Variants in UNC5B observed in about 807,000 individuals in gnomAD.
The protein encoded by UNC5B is netrin receptor UNC5B.
UNC5B carries 56 observed loss-of-function variants against 103.7 expected under a neutral mutation model. The ratio of observed to expected loss-of-function variants is 0.54; its 90% CI spans 0.44 to 0.67. The LOEUF (loss-of-function observed/expected upper bound fraction) is 0.67. Ranked by LOEUF, UNC5B falls within the 30% of genes least tolerant of loss-of-function variation. UNC5B has a pLI of 0.00. For missense variants in UNC5B, 1,194 were observed against 1,284.5 expected, an observed-to-expected ratio of 0.93 and a Z score of 1.08; for synonymous variants, 577 against 542.0, an observed-to-expected ratio of 1.06 and a Z score of -0.90.
chr10:71,220,001 G>A (rs1564703834), intron 1 of UNC5B, among the ~76,000 whole-genome samples: 3 of 152,290 alleles, frequency 2.0e-5, no homozygotes, highest in South Asian at 4.2e-4. Flanking sequence ...TTACTCTTGG[G>A]AAATTTGCCC....
At chr10:71,274,907 T>A (rs1260489222) in intron 1 of UNC5B, among the ~76,000 whole-genome samples, 2 of 152,180 alleles carry the variant, frequency 1.3e-5, no homozygotes, top group Non-Finnish European at 2.9e-5. Flanking sequence ...AACAGGACAT[T>A]TTCACACATG....
chr10:71,246,689 G>C (rs1844045696), intron 1 of UNC5B, among the ~76,000 whole-genome samples: 1 of 152,082 alleles, frequency 6.6e-6, no homozygotes, highest in Non-Finnish European at 1.5e-5. Flanking sequence ...AATCACCCCA[G>C]CGCTCCACAT....
At chr10:71,266,492 G>A (rs1489191036) in intron 1 of UNC5B, among the ~76,000 whole-genome samples, 1 of 152,208 alleles carries the variant, frequency 6.6e-6, no homozygotes, top group East Asian at 1.9e-4. Context: ...TACATCAGCA[G>A]GTGCAAACAA....
chr10:71,252,856 G>A (rs1019318283), intron 1 of UNC5B, among the ~76,000 whole-genome samples: 3 of 152,128 alleles, frequency 2.0e-5, no homozygotes, highest in African/African-American at 7.2e-5. Flanking sequence ...ACCTGACTCA[G>A]CCTGGCAGTC....
chr10:71,264,602 ATAT>A (rs1844483675), intron 1 of UNC5B, among the ~76,000 whole-genome samples: 1 of 152,242 alleles, frequency 6.6e-6, no homozygotes, highest in African/African-American at 2.4e-5. Flanking sequence ...GGAAGCTGAC[ATAT>A]GTTAAGCACC....
intron 1 of UNC5B, among the ~76,000 whole-genome samples, chr10:71,227,577 A>C (rs978023806): frequency 1.3e-5 from 2 of 148,836 alleles, no homozygotes; most frequent in Non-Finnish European, 3.0e-5. Flanking sequence ...AACAAAATAA[A>C]AATAAAAATA....
At chr10:71,219,653 A>C (rs540697957) in intron 1 of UNC5B, among the ~76,000 whole-genome samples, 5 of 152,222 alleles carry the variant, frequency 3.3e-5, no homozygotes, top group African/African-American at 1.2e-4. Flanking sequence ...CCATCCAATC[A>C]AGTTGACACT....
At chr10:71,280,935 G>A (rs4237330) in intron 2 of UNC5B, among the ~76,000 whole-genome samples, 141,179 of 152,280 alleles carry the variant, frequency 0.93, 65,485 homozygotes, top group Middle Eastern at 0.98. Flanking sequence ...TGTTTTTCCC[G>A]TCTCTTTCTG....
At chr10:71,222,670 G>A (rs2132239363) in intron 1 of UNC5B, among the ~76,000 whole-genome samples, 1 of 152,320 alleles carries the variant, frequency 6.6e-6, no homozygotes, top group African/African-American at 2.4e-5. Flanking sequence ...GAGAGGGGCA[G>A]GAAGAGAGAG....
chr10:71,255,740 C>T (rs115429665), intron 1 of UNC5B, among the ~76,000 whole-genome samples: 1,822 of 152,340 alleles, frequency 0.012, 33 homozygotes, highest in Middle Eastern at 0.017. Flanking sequence ...TCCACCAGCC[C>T]GGACTGAATT....
At chr10:71,262,409 G>C (rs559747773) in intron 1 of UNC5B, among the ~76,000 whole-genome samples, 2 of 151,514 alleles carry the variant, frequency 1.3e-5, no homozygotes, top group South Asian at 2.1e-4. Context: ...ATTGTGGGGG[G>C]GCTGTCCTGG....
intron 1 of UNC5B, among the ~76,000 whole-genome samples, chr10:71,278,698 A>G (rs1332658927): frequency 6.6e-6 from 1 of 152,206 alleles, no homozygotes; most frequent in Non-Finnish European, 1.5e-5. Context: ...GTGGCCACAC[A>G]GGCCTCCCGG....
chr10:71,299,118 G>T lies in UNC5B; in HGVS notation c.2679G>T (p.Leu893=). ...LAQKLSMDRY[L]NYFATKASPT... Reference sequence around the variant, plus strand: ...CCCTCCTTCCCTCTGCCAGGTACCTGAATTACTTTGCCACCAAAGCGAGCC... The same window carrying T: ...CCCTCCTTCCCTCTGCCAGGTACCTTAATTACTTTGCCACCAAAGCGAGCC... Residue 893 remains leucine (L), a synonymous_variant, in exon 17 of 17, where the codon CTG becomes CTT. Transcript: ENST00000335350. 1.9e-6 allele frequency: 3 copies of T among 1,614,198 alleles called. No individual in the cohort carries two copies. The highest frequency in any genetic ancestry group is 2.5e-6 in the Non-Finnish European group (3 of 1,180,012).
intron 2 of UNC5B, among the ~76,000 whole-genome samples, chr10:71,281,740 G>A (rs1015008042): frequency 1.3e-5 from 2 of 152,240 alleles, no homozygotes; most frequent in East Asian, 3.9e-4. Context: ...ACCTCTCTGA[G>A]CCCCAGTTCT....
Position 71,288,698 on chromosome 10 carries a change from C to T in UNC5B, c.1032C>T (p.Asp344=). 1.2e-6 allele frequency: 2 copies of T among 1,613,574 alleles called. No homozygotes were observed. The highest frequency in any genetic ancestry group is 1.7e-4 in the Middle Eastern group (1 of 6,044). Residue 344 remains aspartate (D), a synonymous_variant, in exon 7 of 17, where the codon GAC becomes GAT. Transcript: ENST00000335350. ...GTGACTGCAGCGGGACGCTGCTCGA[C>T]TCTAAGAACTGCACAGATGGGCTGT... ...GGRDCSGTLL[D]SKNCTDGLCM... is the part of the protein sequence containing the mutation.
At chr10:71,291,886 A>G in intron 10 of UNC5B, 65 bp downstream of exon 10, 1 of 1,511,396 alleles carries the variant, frequency 6.6e-7, no homozygotes. Context: ...CTGCCCCAAC[A>G]CCCATCCAGC....
At position 71,213,081 on chromosome 10, in the gene UNC5B, T is replaced by C; in HGVS notation, c.79+17T>C. ...GCCAAGCAGGTAGGAAGCGATCGGG[T>C]CTGGGGGCGCGGGGCTAGGGGACCC... On this transcript the variant is annotated intron_variant, in intron 1 of 16. Transcript: ENST00000335350. The surrounding 1 kb of genome is among the most constrained non-coding windows in gnomAD (Gnocchi z 4.1). 9 of 1,329,290 alleles carry C rather than the reference T, an allele frequency of 6.8e-6. No homozygotes were observed. The highest frequency in any genetic ancestry group is 7.7e-6 in the Non-Finnish European group (8 of 1,033,008). The allele number at this position is 1,329,290 out of a possible 1,614,324, so 82.3% of individuals were successfully genotyped here.
intron 1 of UNC5B, among the ~76,000 whole-genome samples, chr10:71,229,908 T>C (rs1843649562): frequency 6.6e-6 from 1 of 152,078 alleles, no homozygotes; most frequent in South Asian, 2.1e-4. Context: ...TGCCTGTTGC[T>C]CCCAGGCACA....
intron 1 of UNC5B, among the ~76,000 whole-genome samples, chr10:71,260,291 CG>C (rs778797961): frequency 3.3e-4 from 51 of 152,322 alleles, no homozygotes; most frequent in Admixed American, 5.2e-4. Context: ...CAGGGGTGCT[CG>C]GGGACCGCCT....
Sources: gnomAD v4.1 joint callset for allele counts (sites outside exome capture counted in the v4.1 genomes callset) on GRCh38, gnomAD v4.1.1 for gene constraint, Gnocchi (gnomAD v3.1) non-coding constraint, MANE v1.5 for transcripts, NCBI Gene and HGNC (gene_info 2026-07-23, HGNC 2026-07-21) for gene names.